Variants in ATRNL1 observed in about 807,000 individuals in gnomAD.
ATRNL1 encodes attractin like 1, also known as attractin-like protein 1.
Under a neutral mutation model 182.7 loss-of-function variants are expected in ATRNL1, and 95 were observed. The ratio of observed to expected loss-of-function variants is 0.52; its 90% CI spans 0.44 to 0.62. The LOEUF (loss-of-function observed/expected upper bound fraction) is 0.62, where lower values mean the gene tolerates loss of function less well. ATRNL1 is among the 20% of genes least tolerant of loss of function. The probability of loss-of-function intolerance (pLI) is 0.00; values close to 1 mark genes in which losing one functional copy is unlikely to be tolerated. For missense variants in ATRNL1, 1,471 were observed against 1,679.5 expected, an observed-to-expected ratio of 0.88 and a Z score of 2.17; for synonymous variants, 576 against 568.3, an observed-to-expected ratio of 1.01 and a Z score of -0.19.
chr10:115,100,625 A>G (rs1327362672), intron 1 of ATRNL1, among the ~76,000 whole-genome samples: 2 of 152,168 alleles, frequency 1.3e-5, no homozygotes, highest in African/African-American at 2.4e-5. Context: ...TTTGTATGTC[A>G]GTACAACAAT....
intron 26 of ATRNL1, among the ~76,000 whole-genome samples, chr10:115,628,087 C>T (rs1261743023): frequency 1.3e-5 from 2 of 148,552 alleles, no homozygotes; most frequent in African/African-American, 2.5e-5. Context: ...GCGGAGGTTA[C>T]AGTGAGCCAA....
chr10:115,605,735 C>T lies in ATRNL1; in HGVS notation c.3795+56199C>T, dbSNP rs191257544. Among the ~76,000 whole-genome samples the T allele has an allele frequency of 6.8e-3, 1,027 of 151,964 alleles. 4 individuals carry two copies. Among genetic ancestry groups the T allele is most frequent in the Non-Finnish European group, 0.011 (714 of 67,874 alleles). ...ATACAGAAATGCATCGAAAAAATAT[C>T]AGTGACTCTCATTCATCAAAATATT... is the stretch of plus-strand genomic sequence containing the variant. On this transcript the variant is annotated intron_variant, in intron 26 of 28. Transcript: ENST00000355044.
chr10:115,141,990 GCTT>G (rs1262774137), intron 5 of ATRNL1, among the ~76,000 whole-genome samples: 1 of 151,602 alleles, frequency 6.6e-6, no homozygotes, highest in Non-Finnish European at 1.5e-5. Flanking sequence ...CTTTTTTTGA[GCTT>G]CTATTAAGTG....
intron 27 of ATRNL1, among the ~76,000 whole-genome samples, chr10:115,802,045 CA>C (rs1555084481): frequency 1.5e-5 from 1 of 67,024 alleles, no homozygotes; most frequent in African/African-American, 5.0e-5. Context: ...CACACACACA[CA>C]AAACAAAAAA....
At chr10:115,753,795 G>A (rs1555071257) in intron 27 of ATRNL1, among the ~76,000 whole-genome samples, 1 of 152,182 alleles carries the variant, frequency 6.6e-6, no homozygotes, top group African/African-American at 2.4e-5. Context: ...CCCACCAACA[G>A]TGTAAAAGCT....
intron 27 of ATRNL1, among the ~76,000 whole-genome samples, chr10:115,790,948 T>C (rs1409947460): frequency 6.6e-6 from 1 of 152,192 alleles, no homozygotes; most frequent in Non-Finnish European, 1.5e-5. Context: ...GCAGTTCCTA[T>C]ATGATTTATG....
At chr10:115,788,273 C>T (rs1949443606) in intron 27 of ATRNL1, among the ~76,000 whole-genome samples, 1 of 152,162 alleles carries the variant, frequency 6.6e-6, no homozygotes, top group African/African-American at 2.4e-5. Context: ...TGAACTTCCC[C>T]ATAGAATAGA....
At chr10:115,114,522 G>A (rs995360483) in intron 1 of ATRNL1, among the ~76,000 whole-genome samples, 2 of 151,980 alleles carry the variant, frequency 1.3e-5, no homozygotes, top group African/African-American at 4.8e-5. Context: ...GACATAAAAT[G>A]AACTCAAATC....
intron 9 of ATRNL1, among the ~76,000 whole-genome samples, chr10:115,218,696 T>C (rs1434650676): frequency 6.6e-6 from 1 of 152,196 alleles, no homozygotes; most frequent in Non-Finnish European, 1.5e-5. Context: ...AGTTTGGCAT[T>C]GAATGCAGCC....
chr10:115,788,496 C>G (rs535770213), intron 27 of ATRNL1, among the ~76,000 whole-genome samples: 4 of 152,134 alleles, frequency 2.6e-5, no homozygotes, highest in African/African-American at 4.8e-5. Flanking sequence ...GTATAAGTAA[C>G]TGTTCTCTCA....
chr10:115,104,668 A>T (rs1843923784), intron 1 of ATRNL1, among the ~76,000 whole-genome samples: 1 of 152,032 alleles, frequency 6.6e-6, no homozygotes, highest in Non-Finnish European at 1.5e-5. Flanking sequence ...GTAGTTTCAT[A>T]GTTTGAGGTC....
intron 27 of ATRNL1, among the ~76,000 whole-genome samples, chr10:115,788,266 A>C (rs542009390): frequency 6.6e-6 from 1 of 152,312 alleles, no homozygotes; most frequent in South Asian, 2.1e-4. Context: ...TTAATTCTGA[A>C]CTTCCCCATA....
chr10:115,731,476 G>A (rs971120754), intron 27 of ATRNL1, among the ~76,000 whole-genome samples: 5 of 151,838 alleles, frequency 3.3e-5, no homozygotes, highest in South Asian at 2.1e-4. Context: ...TAACTAGCAT[G>A]CCTCTATTTC....
intron 9 of ATRNL1, among the ~76,000 whole-genome samples, chr10:115,223,115 A>C (rs1849534452): frequency 6.6e-6 from 1 of 152,086 alleles, no homozygotes; most frequent in Admixed American, 6.6e-5. Context: ...CCCCATCTCC[A>C]CTAAAAATAC....
intron 28 of ATRNL1, among the ~76,000 whole-genome samples, chr10:115,870,465 G>A (rs1267664568): frequency 3.9e-5 from 6 of 152,190 alleles, no homozygotes; most frequent in African/African-American, 1.4e-4. Context: ...GGAATATGCA[G>A]TTTATTATTT....
intron 9 of ATRNL1, among the ~76,000 whole-genome samples, chr10:115,224,310 T>G (rs928143962): frequency 2.0e-5 from 3 of 152,024 alleles, no homozygotes; most frequent in African/African-American, 7.2e-5. Flanking sequence ...TCAAAATGCA[T>G]GTGATTCAGC....
At chr10:115,799,229 G>T (rs998449703) in intron 27 of ATRNL1, among the ~76,000 whole-genome samples, 1 of 151,992 alleles carries the variant, frequency 6.6e-6, no homozygotes, top group Non-Finnish European at 1.5e-5. Flanking sequence ...TGAATTTAAC[G>T]TTATTAATGC....
At chr10:115,645,534 A>T (rs1859552929) in intron 26 of ATRNL1, among the ~76,000 whole-genome samples, 1 of 149,498 alleles carries the variant, frequency 6.7e-6, no homozygotes, top group Non-Finnish European at 1.5e-5. Context: ...ATCCCTCTGG[A>T]TATTTCTCCT....
intron 24 of ATRNL1, among the ~76,000 whole-genome samples, chr10:115,504,263 A>G (rs1199113652): frequency 6.6e-6 from 1 of 152,046 alleles, no homozygotes; most frequent in Non-Finnish European, 1.5e-5. Context: ...AGTAAAAAAG[A>G]TTTGATCTAA....
Sources: gnomAD v4.1 joint callset for allele counts (sites outside exome capture counted in the v4.1 genomes callset) on GRCh38, gnomAD v4.1.1 for gene constraint, MANE v1.5 for transcripts, NCBI Gene and HGNC (gene_info 2026-07-23, HGNC 2026-07-21) for gene names.